The following ZC3H12D variants were observed in gnomAD, a reference collection of about 807,000 sequenced individuals.
The protein encoded by ZC3H12D is zinc finger CCCH-type containing 12D, also known as probable ribonuclease ZC3H12D.
A neutral mutation model predicts 24.2 loss-of-function variants in ZC3H12D; 11 were observed. That is an observed-to-expected ratio of 0.46 (90% CI 0.29 to 0.75). The LOEUF (loss-of-function observed/expected upper bound fraction) is 0.75. ZC3H12D is among the 30% of genes least tolerant of loss of function. ZC3H12D has a pLI of 0.11. For missense variants in ZC3H12D, 740 were observed against 767.7 expected (o/e 0.96, Z 0.43); for synonymous variants, 333 against 341.8 (o/e 0.97, Z 0.28).
chr6:149,465,134 A>T (rs750444755), intron 2 of ZC3H12D, among the ~76,000 whole-genome samples: 2 of 152,278 alleles, frequency 1.3e-5, no homozygotes, highest in African/African-American at 4.8e-5. Flanking sequence ...TGGGCGGATC[A>T]CCTGAGGTCA....
intron 1 of ZC3H12D, among the ~76,000 whole-genome samples, chr6:149,478,729 T>G (rs1347427086): frequency 6.6e-6 from 1 of 152,074 alleles, no homozygotes; most frequent in Non-Finnish European, 1.5e-5. Flanking sequence ...GAACATCCAG[T>G]GTCTTTACTC....
intron 3 of ZC3H12D, among the ~76,000 whole-genome samples, chr6:149,460,560 T>A (rs998159164): frequency 6.6e-6 from 1 of 151,856 alleles, no homozygotes; most frequent in Admixed American, 6.6e-5. Context: ...TAGGGCAGGG[T>A]GCGGTGGCTC....
intron 1 of ZC3H12D, among the ~76,000 whole-genome samples, chr6:149,480,150 A>C (rs562567746): frequency 2.0e-5 from 3 of 152,334 alleles, no homozygotes; most frequent in African/African-American, 7.2e-5. Flanking sequence ...CAGCTCTATG[A>C]AAACAAAATA....
chr6:149,459,739 T>C (rs1244147221), intron 3 of ZC3H12D: 6 of 716,442 alleles, frequency 8.4e-6, no homozygotes, highest in African/African-American at 3.5e-5. Flanking sequence ...GCTGTTGACC[T>C]CCTAGAATAA....
intron 2 of ZC3H12D, among the ~76,000 whole-genome samples, chr6:149,466,403 G>A (rs572732540): frequency 4.6e-5 from 7 of 151,788 alleles, no homozygotes; most frequent in Non-Finnish European, 1.0e-4. Flanking sequence ...AAAAAAGAGG[G>A]GAAGATATCG....
chr6:149,447,855 C>T lies in ZC3H12D; in HGVS notation c.*2828G>A, dbSNP rs1024488272. On this transcript the variant is annotated 3_prime_UTR_variant, in exon 6 of 6. Coordinates refer to ENST00000409806, the MANE Select transcript of ZC3H12D (RefSeq NM_207360.3). ...AACAGCTTTACAGCTTACTAAAACT[C>T]AAACTTGTTCTCAAAGGAAGCAGTT... is the stretch of plus-strand genomic sequence containing the variant. 1 of 152,124 alleles carries T rather than the reference C, an allele frequency of 6.6e-6. No individual in the cohort carries two copies. The highest frequency in any genetic ancestry group is 2.4e-5 in the African/African-American group (1 of 41,414). 9.4% of individuals were successfully genotyped at this position (152,124 alleles called of 1,614,324 possible).
intron 1 of ZC3H12D, among the ~76,000 whole-genome samples, chr6:149,476,586 T>C (rs1776344637): frequency 6.6e-6 from 1 of 152,088 alleles, no homozygotes; most frequent in South Asian, 2.1e-4. Flanking sequence ...GGCAGGCGTA[T>C]CGCTTTAGCC....
rs368424369 is a variant in ZC3H12D at position 149,450,998 on chromosome 6, G to C, written c.1269C>G (p.His423Gln). Residue 423 changes from histidine (H) to glutamine (Q), a missense_variant, in exon 6 of 6, where the codon CAC becomes CAG. His to Gln is a conservative substitution (Grantham distance 24). Transcript: ENST00000409806. ...GCCTGCGCGGGGAAAGCAAGTCGCC[G>C]TGCAGGTCCCTAGGGCGGTGTTCGC... The part of the protein sequence containing the change: ...PRGEHRPRDL[H>Q]GDLLSPRRPP... 1.5e-5 allele frequency: 22 copies of C among 1,515,240 alleles called. No individual in the cohort carries two copies. Among genetic ancestry groups the C allele is most frequent in the East Asian group, 4.8e-5 (2 of 41,810 alleles). The allele number at this position is 1,515,240 out of a possible 1,614,324, so 93.9% of individuals were successfully genotyped here.
At chr6:149,453,032 C>T (rs1224189778) in intron 4 of ZC3H12D, among the ~76,000 whole-genome samples, 1 of 151,748 alleles carries the variant, frequency 6.6e-6, no homozygotes, top group Admixed American at 6.6e-5. Flanking sequence ...CATGGGTAAT[C>T]CCAACACTTT....
chr6:149,468,489 C>T (rs188377946), intron 2 of ZC3H12D, among the ~76,000 whole-genome samples: 46 of 152,302 alleles, frequency 3.0e-4, no homozygotes, highest in Non-Finnish European at 7.3e-5. Context: ...AAAGCAGTCA[C>T]ATATGGAGGA....
chr6:149,476,068 G>A (rs544558453), intron 1 of ZC3H12D, among the ~76,000 whole-genome samples: 12 of 152,068 alleles, frequency 7.9e-5, no homozygotes, highest in Non-Finnish European at 1.5e-4. Context: ...CTGTTTTTCC[G>A]CACCCCTCTA....
chr6:149,477,364 C>T (rs148161689), intron 1 of ZC3H12D, among the ~76,000 whole-genome samples: 51 of 152,350 alleles, frequency 3.3e-4, no homozygotes, highest in African/African-American at 1.1e-3. Flanking sequence ...GCAGGCACCA[C>T]GTGAAACAAT....
intron 3 of ZC3H12D, among the ~76,000 whole-genome samples, chr6:149,460,824 C>T (rs1371453890): frequency 7.7e-6 from 1 of 129,122 alleles, no homozygotes; most frequent in Non-Finnish European, 1.7e-5. Flanking sequence ...GAGTGAAACT[C>T]CATGTCAAAA....
chr6:149,476,946 G>A (rs1776351585), intron 1 of ZC3H12D, among the ~76,000 whole-genome samples: 1 of 152,150 alleles, frequency 6.6e-6, no homozygotes, highest in Admixed American at 6.5e-5. Flanking sequence ...GTGTTGATTG[G>A]TGAATGAATG....
In ZC3H12D at chr6:149,449,925, C is replaced by CTGTG. The variant is rs371954872; in HGVS notation, c.*754_*757dup. Reference sequence around the variant, plus strand: ...TGTGAGTATGTACATGTATGATAGACTGTGTGTGTGTGTGTGTGTGTGTGT... The same window carrying CTGTG: ...TGTGAGTATGTACATGTATGATAGACTGTGTGTGTGTGTGTGTGTGTGTGTGTGT... On this transcript the variant is annotated 3_prime_UTR_variant, in exon 6 of 6. Transcript: ENST00000409806. 3,564 of 144,058 alleles carry CTGTG rather than the reference C, an allele frequency of 0.025. 102 individuals carry two copies. Among genetic ancestry groups the CTGTG allele is most frequent in the African/African-American group, 0.073 (2,780 of 38,324 alleles). The allele number at this position is 144,058 out of a possible 1,614,324, so 8.9% of individuals were successfully genotyped here. A position where few individuals can be genotyped will look rare whatever the true frequency, so the allele number is the denominator to read the frequency against.
intron 3 of ZC3H12D, among the ~76,000 whole-genome samples, chr6:149,459,367 G>A (rs116467352): frequency 0.011 from 1,738 of 152,300 alleles, 37 homozygotes; most frequent in African/African-American, 0.04. Flanking sequence ...AATGAAAGGT[G>A]GGGGGAGATC....
At position 149,456,982 on chromosome 6, in the gene ZC3H12D, T is replaced by C. The variant is rs1370702609; in HGVS notation, c.446-82A>G. The stretch of plus-strand genomic sequence containing the variant: ...CCACCCCCAACGCGAGGCCACCCGC[T>C]TCCCGGGCCGGTCAGATGAGGTTTT... On this transcript the variant is annotated intron_variant, in intron 3 of 5. Transcript: ENST00000409806. This position sits in a 1 kb window ranked among gnomAD's most constrained non-coding sequence, Gnocchi z 4.3. 1.4e-5 allele frequency: 20 copies of C among 1,385,306 alleles called. No individual in the cohort carries two copies. The highest frequency in any genetic ancestry group is 2.0e-6 in the Non-Finnish European group (2 of 1,015,476). 85.8% of individuals were successfully genotyped at this position (1,385,306 alleles called of 1,614,324 possible).
intron 1 of ZC3H12D, among the ~76,000 whole-genome samples, chr6:149,482,431 C>T (rs1240396756): frequency 6.6e-6 from 1 of 152,248 alleles, no homozygotes; most frequent in Non-Finnish European, 1.5e-5. Context: ...GGAAGTCACA[C>T]TCTGTCCAGA....
rs973295635 is a variant in ZC3H12D, at chr6:149,449,720, T to C, written c.*963A>G. 2 of 152,018 alleles carry C rather than the reference T, an allele frequency of 1.3e-5. No homozygotes were observed. The highest frequency in any genetic ancestry group is 4.8e-5 in the African/African-American group (2 of 41,338). The allele number at this position is 152,018 out of a possible 1,614,324, so 9.4% of individuals were successfully genotyped here. A position where few individuals can be genotyped will look rare whatever the true frequency, so the allele number is the denominator to read the frequency against. ...TTCCAAAGTGCTGGGATTACAGGCA[T>C]GAGCCACCATGCCGGGCCGAGACTC... On this transcript the variant is annotated 3_prime_UTR_variant, in exon 6 of 6. Coordinates refer to ENST00000409806, the MANE Select transcript of ZC3H12D (RefSeq NM_207360.3).
Sources: allele counts gnomAD v4.1 joint callset (sites outside exome capture counted in the v4.1 genomes callset), GRCh38; gene constraint gnomAD v4.1.1; non-coding constraint Gnocchi (gnomAD v3.1); transcripts MANE v1.5; gene names NCBI Gene and HGNC (gene_info 2026-07-23, HGNC 2026-07-21).